The following SF3A3 variants were observed in gnomAD, a reference collection of about 807,000 sequenced individuals.
The protein encoded by SF3A3 is splicing factor 3a subunit 3.
A neutral mutation model predicts 85.8 loss-of-function variants in SF3A3; 9 were observed. The observed-to-expected ratio is 0.10, with a 90% CI of 0.06 to 0.18. The LOEUF (loss-of-function observed/expected upper bound fraction) is 0.18. Ranked by LOEUF, SF3A3 falls within the 10% of genes least tolerant of loss-of-function variation. SF3A3 has a pLI of 1.00. For synonymous variants in SF3A3, 195 were observed against 204.4 expected (o/e 0.95, Z 0.39); for missense variants, 306 against 593.3 (o/e 0.52, Z 5.03).
intron 12 of SF3A3, among the ~76,000 whole-genome samples, chr1:37,975,589 A>G (rs547515379): frequency 2.0e-4 from 31 of 152,000 alleles, no homozygotes; most frequent in African/African-American, 7.5e-4. Flanking sequence ...AGCCACTCAC[A>G]AGACTGGCAA....
intron 15 of SF3A3, among the ~76,000 whole-genome samples, chr1:37,965,645 T>C (rs896318214): frequency 3.3e-5 from 5 of 151,616 alleles, no homozygotes; most frequent in African/African-American, 1.2e-4. Context: ...TCCCATCAGC[T>C]TGGGAATCTG....
At chr1:37,987,748 G>A in intron 3 of SF3A3, 36 bp downstream of exon 3, 1 of 1,603,988 alleles carries the variant, frequency 6.2e-7, no homozygotes. Flanking sequence ...CTCCTCAGAA[G>A]CACTAACTCC....
intron 6 of SF3A3, 114 bp downstream of exon 6, chr1:37,984,055 G>T: frequency 1.9e-6 from 1 of 536,050 alleles, no homozygotes. Flanking sequence ...ATTTACATAA[G>T]AGTTTTAAAA....
At chr1:37,969,908 C>T (rs531891440) in intron 12 of SF3A3, among the ~76,000 whole-genome samples, 173 bp from the exon 13 acceptor site, 1 of 152,306 alleles carries the variant, frequency 6.6e-6, no homozygotes, top group South Asian at 2.1e-4. Flanking sequence ...GCAGGCTCTA[C>T]CTGATCCCAA....
Sources: gnomAD v4.1 joint callset for allele counts (sites outside exome capture counted in the v4.1 genomes callset) on GRCh38, gnomAD v4.1.1 for gene constraint, MANE v1.5 for transcripts, NCBI Gene and HGNC (gene_info 2026-07-23, HGNC 2026-07-21) for gene names.